ITGAM: variants seen among roughly 807,000 people sequenced by gnomAD.
ITGAM encodes integrin alpha-M.
Under a neutral mutation model 137.5 loss-of-function variants are expected in ITGAM, and 79 were observed. That is an observed-to-expected ratio of 0.57 (90% CI 0.48 to 0.69). The LOEUF is 0.69. Among genes scored for constraint, ITGAM ranks in the 30% least tolerant of loss-of-function variants. The pLI, the probability that ITGAM is intolerant of heterozygous loss-of-function variation, is 0.00. For missense variants in ITGAM, 1,343 were observed against 1,483.5 expected, an observed-to-expected ratio of 0.91 and a Z score of 1.56; for synonymous variants, 583 against 592.3, an observed-to-expected ratio of 0.98 and a Z score of 0.23.
intron 9 of ITGAM, among the ~76,000 whole-genome samples, chr16:31,276,328 T>C (rs12917874): frequency 0.18 from 27,576 of 151,976 alleles, 3,210 homozygotes; most frequent in African/African-American, 0.33. Context: ...TGCTTTCTTT[T>C]CTTTTCTTTC....
At chr16:31,328,997 C>T (rs1597043152) in intron 23 of ITGAM, 1 of 606,290 alleles carries the variant, frequency 1.6e-6, no homozygotes, top group Non-Finnish European at 3.0e-6. Flanking sequence ...TGTGTATGTG[C>T]TCATGGGTGT....
chr16:31,292,670 G>A (rs1441511921), intron 12 of ITGAM, among the ~76,000 whole-genome samples: 1 of 152,046 alleles, frequency 6.6e-6, no homozygotes, highest in Non-Finnish European at 1.5e-5. Context: ...TGTTATTGGT[G>A]GGCATTTAGG....
Position 31,316,021 on chromosome 16 carries a change from C to T in ITGAM, c.1708-5220C>T, listed in dbSNP as rs568759395. ...CGTCATGGCTAACAAGGTGAAACCC[C>T]GTCTCTACTAAAAATACAAAAAATT... On this transcript the variant is annotated intron_variant, in intron 14 of 29. Transcript: ENST00000544665. Among the ~76,000 whole-genome samples the T allele has an allele frequency of 5.6e-3, 331 of 58,636 alleles. 22 individuals are homozygous for T. Among genetic ancestry groups the T allele is most frequent in the African/African-American group, 0.023 (289 of 12,806 alleles). 38.5% of individuals were successfully genotyped at this position (58,636 alleles called of 152,430 possible). A position where few individuals can be genotyped will look rare whatever the true frequency, so the allele number is the denominator to read the frequency against.
intron 23 of ITGAM, 137 bp from the exon 24 acceptor site, chr16:31,329,091 C>T (rs1394672844): frequency 1.6e-6 from 1 of 626,268 alleles, no homozygotes; most frequent in Non-Finnish European, 2.9e-6. Flanking sequence ...CCCCCTGCAC[C>T]CCACCCCATC....
At chr16:31,304,221 T>A (rs184915843) in intron 14 of ITGAM, among the ~76,000 whole-genome samples, 140 of 152,346 alleles carry the variant, frequency 9.2e-4, no homozygotes, top group Non-Finnish European at 2.9e-4. Context: ...TTAGTGATGT[T>A]GAGCATTTTT....
At chr16:31,307,641 C>T (rs1270649657) in intron 14 of ITGAM, among the ~76,000 whole-genome samples, 3 of 152,194 alleles carry the variant, frequency 2.0e-5, no homozygotes, top group South Asian at 2.1e-4. Flanking sequence ...CCCTTTATTC[C>T]CTTCTGCTGC....
At chr16:31,271,478 G>A (rs745492794) in intron 6 of ITGAM, among the ~76,000 whole-genome samples, 4 of 152,168 alleles carry the variant, frequency 2.6e-5, no homozygotes, top group South Asian at 2.1e-4. Flanking sequence ...TCAGCCTCCC[G>A]AGTAGCGGGG....
At position 31,310,753 on chromosome 16, in the gene ITGAM, T is replaced by A. The variant is rs531812572; in HGVS notation, c.1708-10488T>A. Among the ~76,000 whole-genome samples the A allele has an allele frequency of 2.0e-5, 3 of 152,322 alleles. No individual in the cohort carries two copies. In the East Asian group the frequency reaches 5.8e-4, roughly 29 times the overall value. On this transcript the variant is annotated intron_variant, in intron 14 of 29. Transcript: ENST00000544665. ...TTGCTGGTGAGGAGCTGCGTTCCTT[T>A]GTAGGAGGAGAGGCGCTCTGATTTT...
Position 31,324,939 on chromosome 16 carries a change from C to G in ITGAM, c.2290-19C>G, listed in dbSNP as rs2080490984. On this transcript the variant is annotated intron_variant, in intron 18 of 29. Transcript: ENST00000544665. The surrounding 1 kb of genome is among the most constrained non-coding windows in gnomAD (Gnocchi z 4.5). ...GTTATTTTCTTTCCTTTCATTTGAT[C>G]ATATTTATTTTTTAAAAGTTTCCCT... is the stretch of plus-strand genomic sequence containing the variant. 6.3e-7 allele frequency: 1 copy of G among 1,594,548 alleles called. No individual in the cohort carries two copies. Among genetic ancestry groups the G allele is most frequent in the Non-Finnish European group, 8.6e-7 (1 of 1,169,394 alleles).
At chr16:31,267,216 C>T (rs114671861) in intron 5 of ITGAM, among the ~76,000 whole-genome samples, 1 of 152,084 alleles carries the variant, frequency 6.6e-6, no homozygotes, top group Non-Finnish European at 1.5e-5. Context: ...CTGCTTTTTC[C>T]CACTGCTTTG....
chr16:31,332,552 A>T lies in ITGAM; in HGVS notation c.*845A>T, dbSNP rs565990198. ...TAAAGGTAGTCAAGATTGTGTTTTG[A>T]GGTTTCCTTCAGACAGATTCCAGGC... On this transcript the variant is annotated 3_prime_UTR_variant, in exon 30 of 30. Coordinates refer to ENST00000544665, the MANE Select transcript of ITGAM (RefSeq NM_000632.4). The T allele has an allele frequency of 6.6e-6, 1 of 152,322 alleles. No individual in the cohort carries two copies. The highest frequency in any genetic ancestry group is 2.1e-4 in the South Asian group (1 of 4,834). 9.4% of individuals were successfully genotyped at this position (152,322 alleles called of 1,614,324 possible). A position where few individuals can be genotyped will look rare whatever the true frequency, so the allele number is the denominator to read the frequency against.
chr16:31,298,461 C>T (rs1208401597), intron 14 of ITGAM, among the ~76,000 whole-genome samples: 1 of 152,180 alleles, frequency 6.6e-6, no homozygotes, highest in African/African-American at 2.4e-5. Flanking sequence ...ATTTCTACAG[C>T]AATAGGAGGT....
Position 31,260,227 on chromosome 16 carries a change from C to G in ITGAM, c.28+135C>G, listed in dbSNP as rs549386363. 1.9e-4 allele frequency: 126 copies of G among 670,578 alleles called. No individual in the cohort carries two copies. The East Asian group carries it at 3.3e-3, about 17-fold the overall frequency. 41.5% of individuals were successfully genotyped at this position (670,578 alleles called of 1,614,324 possible). Reference sequence around the variant, plus strand: ...GGGATTTGGGGAAGGAGAAAGGGTTCAAGAAGAAGCAGGGAGAACAGCTAG... The same window carrying G: ...GGGATTTGGGGAAGGAGAAAGGGTTGAAGAAGAAGCAGGGAGAACAGCTAG... On this transcript the variant is annotated intron_variant, in intron 1 of 29. Coordinates refer to ENST00000544665, the MANE Select transcript of ITGAM (RefSeq NM_000632.4).
At chr16:31,272,029 G>A (rs2079846780) in intron 7 of ITGAM, 37 bp downstream of exon 7, 2 of 1,613,306 alleles carry the variant, frequency 1.2e-6, no homozygotes, top group African/African-American at 1.3e-5. Flanking sequence ...GGAGGGAGGA[G>A]GAGACACTTT....
In ITGAM at chr16:31,324,409, G is replaced by C; in HGVS notation, c.2013G>C (p.Gln671His). 1.3e-6 allele frequency: 2 copies of C among 1,552,096 alleles called. No individual in the cohort carries two copies. Among genetic ancestry groups the C allele is most frequent in the Non-Finnish European group, 1.7e-6 (2 of 1,147,224 alleles). ...TRDRLREGQI[Q>H]SVVTYDLALD... ...ACCCTGTCCCTTCAGGACAGATCCA[G>C]AGTGTTGTGACTTATGACCTGGCTC... The change falls in exon 17 of 30, where the codon CAG becomes CAC. Residue 671 changes from glutamine to histidine, a missense_variant. Coordinates refer to ENST00000544665, the MANE Select transcript of ITGAM (RefSeq NM_000632.4). The surrounding 1 kb of genome is among the most constrained non-coding windows in gnomAD (Gnocchi z 4.5).
At chr16:31,262,480 G>A (rs912357284) in intron 2 of ITGAM, among the ~76,000 whole-genome samples, 12 of 151,674 alleles carry the variant, frequency 7.9e-5, no homozygotes, top group Non-Finnish European at 1.6e-4. Flanking sequence ...ATAGCTCACT[G>A]TAGACTCAAA....
chr16:31,270,792 TTA>T (rs1471515234), intron 5 of ITGAM, among the ~76,000 whole-genome samples, 160 bp from the exon 6 acceptor site: 1 of 128,618 alleles, frequency 7.8e-6, no homozygotes, highest in South Asian at 2.5e-4. Flanking sequence ...ACGTTAAAAA[TTA>T]TATATATATT....
At chr16:31,269,708 C>A (rs995297576) in intron 5 of ITGAM, among the ~76,000 whole-genome samples, 2 of 152,170 alleles carry the variant, frequency 1.3e-5, no homozygotes, top group African/African-American at 4.8e-5. Flanking sequence ...TCTGTTGCCA[C>A]CCCTGGGTTT....
rs538276817 is a variant in ITGAM, at chr16:31,285,529, C to T, written c.1356+7420C>T. ...GTGTGCATCTGTAATCCCAGCTACT[C>T]GGGAGGCTGAGGCAGAAGAATCACT... On this transcript the variant is annotated intron_variant, in intron 12 of 29. Coordinates refer to ENST00000544665, the MANE Select transcript of ITGAM (RefSeq NM_000632.4). Among the ~76,000 whole-genome samples, 8 of 152,094 alleles carry T rather than the reference C, an allele frequency of 5.3e-5. No homozygotes were observed. The East Asian group carries it at 7.7e-4, about 15-fold the overall frequency.
Sources: gnomAD v4.1 joint callset for allele counts (sites outside exome capture counted in the v4.1 genomes callset) on GRCh38, gnomAD v4.1.1 for gene constraint, Gnocchi (gnomAD v3.1) non-coding constraint, MANE v1.5 for transcripts, NCBI Gene and HGNC (gene_info 2026-07-23, HGNC 2026-07-21) for gene names.